Variants in NTN1 observed in about 807,000 individuals in gnomAD.
NTN1 encodes the protein netrin 1.
Under a neutral mutation model 54.2 loss-of-function variants are expected in NTN1, and 11 were observed. The observed-to-expected ratio is 0.20, with a 90% CI of 0.13 to 0.34. The LOEUF (loss-of-function observed/expected upper bound fraction) is 0.34, where lower values mean the gene tolerates loss of function less well. NTN1 is among the 10% of genes least tolerant of loss of function. NTN1 has a pLI of 1.00. For synonymous variants in NTN1, 371 were observed against 382.0 expected (o/e 0.97, Z 0.33); for missense variants, 740 against 893.1 (o/e 0.83, Z 2.18).
intron 2 of NTN1, among the ~76,000 whole-genome samples, chr17:9,092,341 T>C (rs1347603718): frequency 1.4e-5 from 2 of 140,436 alleles, no homozygotes; most frequent in Non-Finnish European, 3.2e-5. Flanking sequence ...TTTTTTTTTT[T>C]TGAGACGGGG....
At chr17:9,072,995 C>T (rs924217128) in intron 2 of NTN1, among the ~76,000 whole-genome samples, 50 of 152,368 alleles carry the variant, frequency 3.3e-4, no homozygotes, top group African/African-American at 1.1e-3. Flanking sequence ...AAGATCATAA[C>T]ATGATTACCC....
intron 5 of NTN1, among the ~76,000 whole-genome samples, chr17:9,199,212 G>A (rs924742183): frequency 4.6e-5 from 7 of 152,078 alleles, no homozygotes; most frequent in Non-Finnish European, 5.9e-5. Flanking sequence ...GCACAATCTC[G>A]GCTCATTGCA....
At chr17:9,058,173 A>T (rs1567700101) in intron 2 of NTN1, among the ~76,000 whole-genome samples, 1 of 152,216 alleles carries the variant, frequency 6.6e-6, no homozygotes, top group Non-Finnish European at 1.5e-5. Context: ...TACAGGCATG[A>T]GCCACTATGT....
chr17:9,100,389 C>T (rs1178358108), intron 2 of NTN1, among the ~76,000 whole-genome samples: 1 of 152,166 alleles, frequency 6.6e-6, no homozygotes, highest in Non-Finnish European at 1.5e-5. Context: ...GCTCCACCTC[C>T]CAGGTTCAAG....
chr17:9,074,380 C>G (rs1023115853), intron 2 of NTN1, among the ~76,000 whole-genome samples: 1 of 152,172 alleles, frequency 6.6e-6, no homozygotes, highest in African/African-American at 2.4e-5. Context: ...ACCTGGCCAG[C>G]CTTCTCGAAA....
chr17:9,228,493 T>C (rs1905676487), intron 6 of NTN1, among the ~76,000 whole-genome samples: 1 of 152,062 alleles, frequency 6.6e-6, no homozygotes, highest in African/African-American at 2.4e-5. Flanking sequence ...CCCGATCCCC[T>C]GCCTCAGGTG....
the NTN1 span, among the ~76,000 whole-genome samples, chr17:9,013,098 G>A: frequency 3.3e-5 from 5 of 152,012 alleles, no homozygotes; most frequent in African/African-American, 1.2e-4. Context: ...GTGGACAGGG[G>A]TCAGGGATGC....
intron 5 of NTN1, among the ~76,000 whole-genome samples, chr17:9,218,641 G>GC (rs888376798): frequency 2.6e-5 from 4 of 151,492 alleles, no homozygotes; most frequent in African/African-American, 9.8e-5. Context: ...CTCCTGCCCC[G>GC]CCCCCCACCC....
At chr17:9,175,246 G>C (rs1440620426) in intron 3 of NTN1, 1 of 152,244 alleles carries the variant, frequency 6.6e-6, no homozygotes, top group Non-Finnish European at 1.5e-5. Flanking sequence ...CTGACGATGA[G>C]AACCACCTGC....
intron 5 of NTN1, among the ~76,000 whole-genome samples, chr17:9,190,654 C>T (rs1904426296): frequency 6.6e-6 from 1 of 152,126 alleles, no homozygotes; most frequent in African/African-American, 2.4e-5. Flanking sequence ...GACTTCGAGA[C>T]CAGCCTGGCC....
chr17:9,237,008 C>G (rs773229310), intron 6 of NTN1, among the ~76,000 whole-genome samples: 1 of 152,222 alleles, frequency 6.6e-6, no homozygotes, highest in Non-Finnish European at 1.5e-5. Flanking sequence ...CCAGCTCTTT[C>G]TCTAGCCTCT....
At chr17:9,030,606 G>A (rs2091885702) in intron 2 of NTN1, among the ~76,000 whole-genome samples, 1 of 152,046 alleles carries the variant, frequency 6.6e-6, no homozygotes, top group East Asian at 1.9e-4. Context: ...TTAGTCAGGC[G>A]TGGTGGCACG....
chr17:9,008,665 C>G, the NTN1 span, among the ~76,000 whole-genome samples: 1 of 152,166 alleles, frequency 6.6e-6, no homozygotes, highest in Admixed American at 6.5e-5. Flanking sequence ...GCTTTGGACA[C>G]TTTAGGGTCT....
chr17:9,100,566 G>A (rs571925307), intron 2 of NTN1, among the ~76,000 whole-genome samples: 1 of 152,142 alleles, frequency 6.6e-6, no homozygotes, highest in Non-Finnish European at 1.5e-5. Flanking sequence ...CTCCCAAAGT[G>A]CTGGGATTCC....
intron 2 of NTN1, among the ~76,000 whole-genome samples, chr17:9,140,485 T>C (rs1009347992): frequency 6.6e-6 from 1 of 152,184 alleles, no homozygotes; most frequent in Admixed American, 6.5e-5. Flanking sequence ...GCAGTGTTCA[T>C]GGAGGTGAAC....
rs549543092 is a variant in NTN1, at chr17:9,161,681, G to A, written c.1019-1132G>A. Among the ~76,000 whole-genome samples, 11 of 152,306 alleles carry A rather than the reference G, an allele frequency of 7.2e-5. No homozygotes were observed. The South Asian group carries it at 1.0e-3, about 14-fold the overall frequency. ...TAATCCCAGCTACTTAGGAGGGTGA[G>A]GCAAGAGAATCGCTTGAACCCGGGA... On this transcript the variant is annotated intron_variant, in intron 2 of 6. Coordinates refer to ENST00000173229, the MANE Select transcript of NTN1 (RefSeq NM_004822.3).
At chr17:9,105,975 T>C (rs2092164791) in intron 2 of NTN1, among the ~76,000 whole-genome samples, 1 of 151,862 alleles carries the variant, frequency 6.6e-6, no homozygotes, top group Non-Finnish European at 1.5e-5. Context: ...AGAGACCATC[T>C]GGACCAGCTA....
chr17:9,212,673 C>A lies in NTN1; in HGVS notation c.1412-8495C>A, dbSNP rs1905136788. On this transcript the variant is annotated intron_variant, in intron 5 of 6. Transcript: ENST00000173229. This position sits in a 1 kb window ranked among gnomAD's most constrained non-coding sequence, Gnocchi z 5.5. The stretch of plus-strand genomic sequence containing the variant: ...CAGCCCTTGGCGTCTGCAACTTACC[C>A]AACCCTTCCAGGTTTCTCTGCCCGG... Among the ~76,000 whole-genome samples the A allele has an allele frequency of 6.6e-6, 1 of 152,206 alleles. No individual in the cohort carries two copies. The highest frequency in any genetic ancestry group is 2.4e-5 in the African/African-American group (1 of 41,454).
chr17:9,147,669 A>G (rs1364352913), intron 2 of NTN1, among the ~76,000 whole-genome samples: 1 of 151,788 alleles, frequency 6.6e-6, no homozygotes, highest in Non-Finnish European at 1.5e-5. Flanking sequence ...CCTGTACCGT[A>G]TTTTTCTACT....
Sources: gnomAD v4.1 joint callset for allele counts (sites outside exome capture counted in the v4.1 genomes callset) on GRCh38, gnomAD v4.1.1 for gene constraint, Gnocchi (gnomAD v3.1) non-coding constraint, MANE v1.5 for transcripts, NCBI Gene and HGNC (gene_info 2026-07-23, HGNC 2026-07-21) for gene names.